The following ANKS6 variants were observed in gnomAD, a reference collection of about 807,000 sequenced individuals.
The protein encoded by ANKS6 is ankyrin repeat and sterile alpha motif domain containing 6, also known as ankyrin repeat and SAM domain-containing protein 6.
A neutral mutation model predicts 77.9 loss-of-function variants in ANKS6; 47 were observed. That is an observed-to-expected ratio of 0.60 (90% confidence interval 0.48 to 0.77). The LOEUF is 0.77. ANKS6 is among the 30% of genes least tolerant of loss of function. The probability of loss-of-function intolerance (pLI) is 0.00; values close to 1 mark genes in which losing one functional copy is unlikely to be tolerated. For synonymous variants in ANKS6, 488 were observed against 501.7 expected (o/e 0.97, Z 0.37); for missense variants, 1,150 against 1,159.1 (o/e 0.99, Z 0.11).
chr9:98,790,893 A>C (rs1834871726), intron 1 of ANKS6, among the ~76,000 whole-genome samples: 1 of 152,194 alleles, frequency 6.6e-6, no homozygotes, highest in African/African-American at 2.4e-5. Context: ...CAAAATGGGG[A>C]TATAACTGTA....
intron 13 of ANKS6, among the ~76,000 whole-genome samples, chr9:98,749,187 C>A (rs1832298777): frequency 6.6e-6 from 1 of 152,114 alleles, no homozygotes; most frequent in South Asian, 2.1e-4. Context: ...CTGAGCTTGG[C>A]CCCCAGCAAG....
Position 98,778,208 on chromosome 9 carries a change from C to T in ANKS6, c.1567+18G>A. The T allele has an allele frequency of 6.2e-7, 1 of 1,613,624 alleles. No homozygotes were observed. Among genetic ancestry groups the T allele is most frequent in the South Asian group, 1.1e-5 (1 of 91,026 alleles). Reference sequence around the variant, plus strand: ...AGACCATTCCAAAAATTCTACTGCACATGCAGACTTTTCTCACCATTGTCT... The same window carrying T: ...AGACCATTCCAAAAATTCTACTGCATATGCAGACTTTTCTCACCATTGTCT... On this transcript the variant is annotated intron_variant, in intron 7 of 14. Transcript: ENST00000353234.
At chr9:98,739,296 G>GACA (rs973936235) in intron 14 of ANKS6, among the ~76,000 whole-genome samples, 4 of 151,916 alleles carry the variant, frequency 2.6e-5, no homozygotes, top group East Asian at 1.9e-4. Context: ...CAACAACAAC[G>GACA]ACAACAACAA....
intron 14 of ANKS6, among the ~76,000 whole-genome samples, chr9:98,742,947 T>C (rs915054629): frequency 2.6e-5 from 4 of 152,214 alleles, no homozygotes; most frequent in African/African-American, 9.7e-5. Context: ...CAAGATGTCA[T>C]GTCATTCACT....
chr9:98,781,914 C>G (rs1184675562), intron 5 of ANKS6, among the ~76,000 whole-genome samples: 1 of 152,140 alleles, frequency 6.6e-6, no homozygotes, highest in East Asian at 1.9e-4. Context: ...AGCTGGCTAA[C>G]TGGAAGCCCA....
intron 14 of ANKS6, among the ~76,000 whole-genome samples, chr9:98,738,568 C>CAAAAA (rs1342888637): frequency 3.4e-5 from 4 of 115,990 alleles, no homozygotes; most frequent in African/African-American, 1.3e-4. Flanking sequence ...ATGGCCATAA[C>CAAAAA]AAAAAAATAA....
At position 98,774,888 on chromosome 9, in the gene ANKS6, C is replaced by T. The variant is rs1246255932; in HGVS notation, c.1618-808G>A. Among the ~76,000 whole-genome samples, 7 of 152,204 alleles carry T rather than the reference C, an allele frequency of 4.6e-5. No individual in the cohort carries two copies. The South Asian group carries it at 1.0e-3, about 23-fold the overall frequency. On this transcript the variant is annotated intron_variant, in intron 8 of 14. Coordinates refer to ENST00000353234, the MANE Select transcript of ANKS6 (RefSeq NM_173551.5). ...GGGCATCCCACAGCTAAACTCGCCT[C>T]GGGAGCCGAGCAGGCGGGCATCTCC...
chr9:98,768,214 G>A lies in ANKS6; in HGVS notation c.2009C>T (p.Ala670Val), dbSNP rs763046451. Residue 670 changes from alanine (A) to valine (V), a missense_variant, in exon 11 of 15, where the codon GCC (alanine) becomes GTC (valine). Coordinates refer to ENST00000353234, the MANE Select transcript of ANKS6 (RefSeq NM_173551.5). ...TAATCCGGCTGCTTTTTTCCTCTGG[G>A]CAGCGATTTGGGACAAGACATTGTC... ...SIDNVLSQIA[A>V]QRKKAAGLLE... The A allele has an allele frequency of 4.3e-6, 7 of 1,613,978 alleles. No individual in the cohort carries two copies. Among genetic ancestry groups the A allele is most frequent in the African/African-American group, 2.7e-5 (2 of 74,938 alleles).
chr9:98,736,097 A>G lies in ANKS6; in HGVS notation c.*422T>C. 1.7e-6 allele frequency: 2 copies of G among 1,153,890 alleles called. No individual in the cohort carries two copies. The highest frequency in any genetic ancestry group is 2.1e-6 in the Non-Finnish European group (2 of 936,576). The allele number at this position is 1,153,890 out of a possible 1,614,324, so 71.5% of individuals were successfully genotyped here. ...ATCCAGGTGGGGCCACATGACTACC[A>G]GTGGCCAAGAGGACGTGAGCAGGAG... On this transcript the variant is annotated 3_prime_UTR_variant, in exon 15 of 15. Transcript: ENST00000353234.
At position 98,775,085 on chromosome 9, in the gene ANKS6, G is replaced by A. The variant is rs12683695; in HGVS notation, c.1618-1005C>T. On this transcript the variant is annotated intron_variant, in intron 8 of 14. Coordinates refer to ENST00000353234, the MANE Select transcript of ANKS6 (RefSeq NM_173551.5). ...TTTTCTGAGTCTCTAAACAAGTGCT[G>A]TCCCCTCTTTCCCTCTAGACCACAA... Among the ~76,000 whole-genome samples the A allele has an allele frequency of 1.1e-4, 17 of 152,318 alleles. No individual in the cohort carries two copies. The East Asian group carries it at 2.9e-3, about 26-fold the overall frequency.
In ANKS6 at chr9:98,735,313, C is replaced by T. The variant is rs2131913784; in HGVS notation, c.*1206G>A. The T allele has an allele frequency of 2.0e-6, 2 of 1,009,860 alleles. No homozygotes were observed. The highest frequency in any genetic ancestry group is 9.3e-5 in the South Asian group (2 of 21,496). 62.6% of individuals were successfully genotyped at this position (1,009,860 alleles called of 1,614,324 possible). A position where few individuals can be genotyped will look rare whatever the true frequency, so the allele number is the denominator to read the frequency against. On this transcript the variant is annotated 3_prime_UTR_variant, in exon 15 of 15. Coordinates refer to ENST00000353234, the MANE Select transcript of ANKS6 (RefSeq NM_173551.5). ...AGGTGTTCTCTTGCCTGTCGAGAGC[C>T]TGAAGGCTCTGTATTGTGTCTGCAC...
chr9:98,754,831 C>T (rs1832612191), intron 12 of ANKS6, among the ~76,000 whole-genome samples: 1 of 152,118 alleles, frequency 6.6e-6, no homozygotes, highest in South Asian at 2.1e-4. Context: ...CCAATTAGGA[C>T]TCTGCAAACC....
At chr9:98,766,563 C>T (rs971223907) in intron 11 of ANKS6, among the ~76,000 whole-genome samples, 10 of 151,598 alleles carry the variant, frequency 6.6e-5, no homozygotes, top group African/African-American at 2.2e-4. Flanking sequence ...TCCTCACAGC[C>T]GAATTATAAA....
At chr9:98,789,582 C>T (rs1379913646) in intron 2 of ANKS6, among the ~76,000 whole-genome samples, 1 of 152,162 alleles carries the variant, frequency 6.6e-6, no homozygotes, top group African/African-American at 2.4e-5. Flanking sequence ...TAGCCCATGG[C>T]TCAAATATAT....
In ANKS6 at chr9:98,745,554, G is replaced by C. The variant is rs569968478; in HGVS notation, c.2511+5C>G. The C allele has an allele frequency of 1.9e-6, 3 of 1,608,520 alleles. No homozygotes were observed. Among genetic ancestry groups the C allele is most frequent in the East Asian group, 4.5e-5 (2 of 44,860 alleles). ...CACGGAAATACAAGAAACAGAGAAC[G>C]GTACCTTGCCTGCGTTCAGTTCAGA... On this transcript the variant is annotated splice_donor_5th_base_variant and intron_variant, in intron 14 of 14. Transcript: ENST00000353234.
At chr9:98,747,356 G>A (rs1196856798) in intron 13 of ANKS6, among the ~76,000 whole-genome samples, 3 of 131,374 alleles carry the variant, frequency 2.3e-5, no homozygotes, top group African/African-American at 8.8e-5. Context: ...CCTTTTCTCT[G>A]TTAACAGTCA....
intron 11 of ANKS6, among the ~76,000 whole-genome samples, chr9:98,756,903 C>T (rs1035159615): frequency 7.0e-6 from 1 of 142,588 alleles, no homozygotes; most frequent in African/African-American, 2.5e-5. Flanking sequence ...CCTCCAGCTA[C>T]TTGCATTGTG....
chr9:98,778,453 T>C (rs1834042294), intron 6 of ANKS6, 29 bp from the exon 7 acceptor site: 5 of 1,608,872 alleles, frequency 3.1e-6, no homozygotes, highest in Admixed American at 1.7e-5. Flanking sequence ...GCAGAAGTCA[T>C]GCTCCAGGAA....
chr9:98,744,863 GA>G (rs35512396), intron 14 of ANKS6, among the ~76,000 whole-genome samples: 67 of 143,360 alleles, frequency 4.7e-4, no homozygotes, highest in Admixed American at 9.1e-4. Context: ...ATTGTTGCTG[GA>G]AAAAAAAAAA....
Sources: allele counts gnomAD v4.1 joint callset (sites outside exome capture counted in the v4.1 genomes callset), GRCh38; gene constraint gnomAD v4.1.1; transcripts MANE v1.5; gene names NCBI Gene and HGNC (gene_info 2026-07-23, HGNC 2026-07-21).